TFDP2: variants seen among roughly 807,000 people sequenced by gnomAD.
The protein encoded by TFDP2 is transcription factor Dp-2 (E2F dimerization partner 2).
TFDP2 carries 17 observed loss-of-function variants against 59.3 expected under a neutral mutation model. The ratio of observed to expected loss-of-function variants is 0.29; its 90% CI spans 0.20 to 0.43. The LOEUF (loss-of-function observed/expected upper bound fraction) is 0.43. Ranked by LOEUF, TFDP2 falls within the 20% of genes least tolerant of loss-of-function variation. TFDP2 has a pLI of 1.00. For missense variants in TFDP2, 391 were observed against 528.8 expected (o/e 0.74, Z 2.56); for synonymous variants, 180 against 194.7 (o/e 0.92, Z 0.63).
At chr3:141,970,376 T>C (rs760644634) in intron 8 of TFDP2, among the ~76,000 whole-genome samples, 37 of 152,238 alleles carry the variant, frequency 2.4e-4, no homozygotes, top group Non-Finnish European at 4.4e-4. Context: ...ACTTAATGAA[T>C]ACTTGTTAGC....
chr3:141,973,358 C>T (rs976081441), intron 8 of TFDP2, among the ~76,000 whole-genome samples: 1 of 151,860 alleles, frequency 6.6e-6, no homozygotes, highest in Non-Finnish European at 1.5e-5. Flanking sequence ...GGATTACAGG[C>T]GTGAGCCACC....
intron 11 of TFDP2, among the ~76,000 whole-genome samples, chr3:141,954,892 A>T (rs1208469365): frequency 6.6e-6 from 1 of 152,186 alleles, no homozygotes; most frequent in Admixed American, 6.5e-5. Context: ...ACAAGAGGCC[A>T]TTCCCACGTA....
intron 3 of TFDP2, among the ~76,000 whole-genome samples, chr3:142,042,769 T>G (rs1226317822): frequency 2.4e-4 from 35 of 145,720 alleles, no homozygotes; most frequent in Admixed American, 2.2e-3. Context: ...AGACGGAGTT[T>G]CGCTTTTTTG....
intron 6 of TFDP2, among the ~76,000 whole-genome samples, chr3:141,987,290 TGTGTGTG>T (rs1942204514): frequency 6.6e-6 from 1 of 151,426 alleles, no homozygotes. Flanking sequence ...TGTGTGTGTG[TGTGTGTG>T]TTTTAGCCAG....
intron 6 of TFDP2, among the ~76,000 whole-genome samples, chr3:141,992,739 T>C (rs1247160092): frequency 5.3e-5 from 8 of 152,138 alleles, no homozygotes; most frequent in Non-Finnish European, 1.2e-4. Flanking sequence ...AAAACACACA[T>C]CCTTTATACA....
Position 141,948,768 on chromosome 3 carries a change from T to C in TFDP2, c.*3745A>G, listed in dbSNP as rs1935550637. The C allele has an allele frequency of 6.6e-6, 1 of 152,000 alleles. No homozygotes were observed. The highest frequency in any genetic ancestry group is 1.5e-5 in the Non-Finnish European group (1 of 68,020). 9.4% of individuals were successfully genotyped at this position (152,000 alleles called of 1,614,324 possible). The stretch of plus-strand genomic sequence containing the variant: ...TGTGGTTTAGCAAACAGTCAAGTTA[T>C]AGATGTCTTGCAGGGCTAAACTGAA... On this transcript the variant is annotated 3_prime_UTR_variant, in exon 13 of 13. Transcript: ENST00000489671.
intron 4 of TFDP2, among the ~76,000 whole-genome samples, chr3:141,998,869 C>G (rs1943519436): frequency 6.6e-6 from 1 of 151,810 alleles, no homozygotes. Context: ...GTGCTACTGC[C>G]ATCTACAGTT....
In TFDP2 at chr3:142,130,478, G is replaced by A. The variant is rs371019080; in HGVS notation, c.-93+18705C>T. 2.8e-4 allele frequency among the ~76,000 whole-genome samples: 43 copies of A among 151,534 alleles called. 1 individual carries two copies. The highest frequency in any genetic ancestry group is 9.7e-4 in the East Asian group (5 of 5,160). ...ATTATTGTTTGTTTGTTTTTTTACC[G>A]TATTTACTATTTCTTTTTTTTTTTT... On this transcript the variant is annotated intron_variant, in intron 1 of 12. Transcript: ENST00000489671.
chr3:141,976,276 T>C (rs1367046779), intron 7 of TFDP2, among the ~76,000 whole-genome samples: 1 of 152,122 alleles, frequency 6.6e-6, no homozygotes, highest in Non-Finnish European at 1.5e-5. Flanking sequence ...AAAACATATG[T>C]TTTTCTTCAT....
intron 9 of TFDP2, among the ~76,000 whole-genome samples, chr3:141,969,537 G>A (rs188084631): frequency 1.5e-3 from 227 of 151,822 alleles, no homozygotes; most frequent in African/African-American, 5.3e-3. Context: ...GCTTGAACCC[G>A]GGAGGCAGAG....
chr3:142,093,826 T>A (rs934202325), intron 2 of TFDP2: 1 of 273,714 alleles, frequency 3.7e-6, no homozygotes, highest in African/African-American at 2.2e-5. Context: ...ATGCATTTCC[T>A]CATCTGTAAA....
chr3:141,981,468 T>C (rs1439113093), intron 6 of TFDP2, among the ~76,000 whole-genome samples: 2 of 152,184 alleles, frequency 1.3e-5, no homozygotes, highest in Non-Finnish European at 2.9e-5. Flanking sequence ...GTTATGTACA[T>C]AGAAAGAGAT....
intron 2 of TFDP2, among the ~76,000 whole-genome samples, chr3:142,095,282 G>A (rs781145848): frequency 1.9e-4 from 29 of 152,054 alleles, no homozygotes; most frequent in Admixed American, 1.6e-3. Context: ...GAGCCACCAC[G>A]CCTGGCTGTA....
intron 3 of TFDP2, among the ~76,000 whole-genome samples, chr3:142,029,893 G>C (rs1946339450): frequency 6.6e-6 from 1 of 152,198 alleles, no homozygotes; most frequent in Admixed American, 6.5e-5. Flanking sequence ...CGTGAGCTTA[G>C]TTTATTTCAG....
At chr3:142,018,028 C>T (rs565732153) in intron 3 of TFDP2, among the ~76,000 whole-genome samples, 42 of 151,064 alleles carry the variant, frequency 2.8e-4, no homozygotes, top group Admixed American at 2.1e-3. Flanking sequence ...CTGCAACCTC[C>T]GCCTCCTGGG....
chr3:142,042,867 G>A (rs1173386301), intron 3 of TFDP2, among the ~76,000 whole-genome samples: 2 of 148,510 alleles, frequency 1.3e-5, no homozygotes, highest in Non-Finnish European at 3.0e-5. Flanking sequence ...AGCCTCCCAA[G>A]TGGCTCGGAT....
intron 3 of TFDP2, among the ~76,000 whole-genome samples, chr3:142,021,703 C>T (rs776007608): frequency 4.6e-5 from 7 of 152,126 alleles, no homozygotes; most frequent in African/African-American, 7.2e-5. Flanking sequence ...TTTTCTTCTC[C>T]ATCTTACCAC....
At chr3:142,131,487 C>A (rs746459154) in intron 1 of TFDP2, among the ~76,000 whole-genome samples, 1 of 149,898 alleles carries the variant, frequency 6.7e-6, no homozygotes, top group South Asian at 2.1e-4. Context: ...TCCCAAAATG[C>A]GAGAGTACAC....
intron 3 of TFDP2, among the ~76,000 whole-genome samples, chr3:142,087,057 T>C (rs531875342): frequency 5.0e-4 from 76 of 152,262 alleles, no homozygotes; most frequent in African/African-American, 1.8e-3. Context: ...ACAAGGGTAT[T>C]AGGAACTCTG....
Sources: gnomAD v4.1 joint callset for allele counts (sites outside exome capture counted in the v4.1 genomes callset) on GRCh38, gnomAD v4.1.1 for gene constraint, MANE v1.5 for transcripts, NCBI Gene and HGNC (gene_info 2026-07-23, HGNC 2026-07-21) for gene names.